Variants in MICU2 observed in about 807,000 individuals in gnomAD.
The protein encoded by MICU2 is mitochondrial calcium uptake 2, also known as calcium uptake protein 2, mitochondrial.
In MICU2, 64 loss-of-function variants were observed where a neutral mutation model predicts 60.4. The ratio of observed to expected loss-of-function variants is 1.06; its 90% confidence interval spans 0.87 to 1.31. The LOEUF is 1.31. Among genes scored for constraint, MICU2 ranks in the 50% most tolerant of loss-of-function variants. MICU2 has a pLI of 0.00. For missense variants in MICU2, 569 were observed against 531.0 expected, an observed-to-expected ratio of 1.07 and a Z score of -0.70; for synonymous variants, 201 against 175.0, an observed-to-expected ratio of 1.15 and a Z score of -1.17.
chr13:21,585,551 A>C (rs1411056436), intron 1 of MICU2, among the ~76,000 whole-genome samples: 2 of 152,204 alleles, frequency 1.3e-5, no homozygotes, highest in East Asian at 3.8e-4. Flanking sequence ...TTTTTCACAA[A>C]AATAATCACT....
intron 9 of MICU2, among the ~76,000 whole-genome samples, chr13:21,499,705 C>T (rs1886095457): frequency 6.6e-6 from 1 of 152,074 alleles, no homozygotes; most frequent in Admixed American, 6.5e-5. Flanking sequence ...CCACCGTGCC[C>T]AGCTGGGTCT....
chr13:21,541,064 G>A lies in MICU2; in HGVS notation c.359-1376C>T, dbSNP rs146710394. 1.4e-3 allele frequency among the ~76,000 whole-genome samples: 218 copies of A among 152,054 alleles called. 2 individuals carry two copies. The highest frequency in any genetic ancestry group is 0.01 in the Middle Eastern group (3 of 294). On this transcript the variant is annotated intron_variant, in intron 2 of 11. Coordinates refer to ENST00000382374, the MANE Select transcript of MICU2 (RefSeq NM_152726.3). Reference sequence around the variant, plus strand: ...TTAGTCTTATCTGTTTTTAAAAAGCGGATTAATCCTTACATCCAACTTAAA... The same window carrying A: ...TTAGTCTTATCTGTTTTTAAAAAGCAGATTAATCCTTACATCCAACTTAAA...
chr13:21,537,809 G>T (rs1347210167), intron 4 of MICU2, among the ~76,000 whole-genome samples: 1 of 151,984 alleles, frequency 6.6e-6, no homozygotes, highest in African/African-American at 2.4e-5. Flanking sequence ...GAAAATCAAG[G>T]CTACTCCAAA....
intron 9 of MICU2, among the ~76,000 whole-genome samples, chr13:21,501,791 C>T (rs184477831): frequency 1.7e-4 from 26 of 152,272 alleles, no homozygotes; most frequent in African/African-American, 5.3e-4. Flanking sequence ...CCTTCTTTTC[C>T]TGCCACAGCC....
At chr13:21,588,681 C>A (rs1888509389) in intron 1 of MICU2, among the ~76,000 whole-genome samples, 1 of 152,182 alleles carries the variant, frequency 6.6e-6, no homozygotes, top group Admixed American at 6.5e-5. Flanking sequence ...GGACACTCTG[C>A]CAAATAACCA....
chr13:21,560,215 C>CT (rs1217932832), intron 2 of MICU2, among the ~76,000 whole-genome samples: 1 of 152,002 alleles, frequency 6.6e-6, no homozygotes, highest in Non-Finnish European at 1.5e-5. Flanking sequence ...TATGTTAGTG[C>CT]TTTTTGTGGC....
At chr13:21,530,751 C>A in intron 4 of MICU2, 1 of 559,112 alleles carries the variant, frequency 1.8e-6, no homozygotes, top group Non-Finnish European at 3.2e-6. Flanking sequence ...GAGCAGCCCC[C>A]ACCCCAGCCA....
At chr13:21,524,598 A>G (rs1405728283) in intron 4 of MICU2, among the ~76,000 whole-genome samples, 1 of 152,238 alleles carries the variant, frequency 6.6e-6, no homozygotes, top group Non-Finnish European at 1.5e-5. Context: ...GGTCTCTTAA[A>G]TCACCTGTTT....
chr13:21,529,260 G>C (rs890662706), intron 4 of MICU2, among the ~76,000 whole-genome samples: 6 of 152,184 alleles, frequency 3.9e-5, no homozygotes, highest in African/African-American at 1.4e-4. Flanking sequence ...TTGGGTTTGG[G>C]TGAGTTAGAT....
At chr13:21,586,438 T>C (rs115284982) in intron 1 of MICU2, among the ~76,000 whole-genome samples, 1 of 152,170 alleles carries the variant, frequency 6.6e-6, no homozygotes, top group South Asian at 2.1e-4. Context: ...GATAGGGTCT[T>C]GGTCTGCCGT....
intron 2 of MICU2, among the ~76,000 whole-genome samples, chr13:21,542,349 C>A (rs150306719): frequency 3.9e-5 from 6 of 152,138 alleles, no homozygotes; most frequent in Admixed American, 1.3e-4. Context: ...TATTTCTGGA[C>A]AATATTTTTC....
chr13:21,527,538 AAG>A (rs1886887652), intron 4 of MICU2, among the ~76,000 whole-genome samples: 1 of 152,234 alleles, frequency 6.6e-6, no homozygotes, highest in African/African-American at 2.4e-5. Flanking sequence ...ACAAATAAAC[AAG>A]GTAGTTCTAC....
chr13:21,538,234 C>A (rs1474726112), intron 4 of MICU2, among the ~76,000 whole-genome samples: 1 of 151,776 alleles, frequency 6.6e-6, no homozygotes, highest in Admixed American at 6.6e-5. Flanking sequence ...GTACAGTTGG[C>A]CCTCCGCATC....
chr13:21,537,251 A>T (rs1258303392), intron 4 of MICU2, among the ~76,000 whole-genome samples: 1 of 152,108 alleles, frequency 6.6e-6, no homozygotes, highest in East Asian at 1.9e-4. Flanking sequence ...GACTTCCTCC[A>T]TTCTTCTGCC....
intron 1 of MICU2, among the ~76,000 whole-genome samples, chr13:21,578,754 C>T (rs763731581): frequency 2.0e-4 from 30 of 152,086 alleles, no homozygotes; most frequent in Non-Finnish European, 3.7e-4. Context: ...CAAATAGGGG[C>T]CCTTTAGTTT....
At position 21,572,760 on chromosome 13, in the gene MICU2, T is replaced by A. The variant is rs528706231; in HGVS notation, c.211-5816A>T. Among the ~76,000 whole-genome samples the A allele has an allele frequency of 1.7e-3, 261 of 152,288 alleles. 3 individuals carry two copies. Among genetic ancestry groups the A allele is most frequent in the African/African-American group, 6.1e-3 (253 of 41,554 alleles). On this transcript the variant is annotated intron_variant, in intron 1 of 11. Coordinates refer to ENST00000382374, the MANE Select transcript of MICU2 (RefSeq NM_152726.3). ...CTTAAGTTTGGGGGTCCTGGGATTT[T>A]AAATTTTTCTTTATAGTAGACACAG...
At chr13:21,602,491 C>G (rs959700701) in intron 1 of MICU2, among the ~76,000 whole-genome samples, 2 of 151,864 alleles carry the variant, frequency 1.3e-5, no homozygotes, top group Non-Finnish European at 2.9e-5. Flanking sequence ...CACTGCAGTC[C>G]GGCCTGGGCG....
chr13:21,539,698 A>C lies in MICU2; in HGVS notation c.359-10T>G, dbSNP rs1887234970. The C allele has an allele frequency of 6.2e-7, 1 of 1,613,224 alleles. No homozygotes were observed. The highest frequency in any genetic ancestry group is 1.3e-5 in the African/African-American group (1 of 74,918). ...TTGACTGAAGTTTTACCTACAACAA[A>C]TAAGAAACATTATTTAGTATCCATA... On this transcript the variant is annotated splice_polypyrimidine_tract_variant and intron_variant, in intron 2 of 11. Coordinates refer to ENST00000382374, the MANE Select transcript of MICU2 (RefSeq NM_152726.3).
At chr13:21,563,632 T>C (rs905232609) in intron 2 of MICU2, among the ~76,000 whole-genome samples, 7 of 152,240 alleles carry the variant, frequency 4.6e-5, no homozygotes, top group Non-Finnish European at 7.4e-5. Flanking sequence ...TTTTTCCTGG[T>C]GTTCCTGTTC....
Sources: gnomAD v4.1 joint callset for allele counts (sites outside exome capture counted in the v4.1 genomes callset) on GRCh38, gnomAD v4.1.1 for gene constraint, MANE v1.5 for transcripts, NCBI Gene and HGNC (gene_info 2026-07-23, HGNC 2026-07-21) for gene names.